Variants in LHX6 observed in about 807,000 individuals in gnomAD.
LHX6 encodes the protein LIM/homeobox protein Lhx6.
In LHX6, 15 loss-of-function variants were observed where a neutral mutation model predicts 47.1. The ratio of observed to expected loss-of-function variants is 0.32; its 90% confidence interval spans 0.21 to 0.49. The LOEUF (loss-of-function observed/expected upper bound fraction) is 0.49, where lower values mean the gene tolerates loss of function less well. Ranked by LOEUF, LHX6 falls within the 20% of genes least tolerant of loss-of-function variation. The pLI, the probability that LHX6 is intolerant of heterozygous loss-of-function variation, is 0.99. For missense variants in LHX6, 404 were observed against 539.6 expected, an observed-to-expected ratio of 0.75 and a Z score of 2.49; for synonymous variants, 242 against 233.5, an observed-to-expected ratio of 1.04 and a Z score of -0.33.
At chr9:122,227,519 G>A in intron 1 of LHX6, 39 bp from the exon 2 acceptor site, 1 of 1,523,148 alleles carries the variant, frequency 6.6e-7, no homozygotes, top group South Asian at 1.2e-5. Context: ...GGCGGCGGCT[G>A]CTGAACTGGC....
rs201673615 is a variant in LHX6 at position 122,226,330 on chromosome 9, G to C, written c.461+46C>G. On this transcript the variant is annotated intron_variant, in intron 4 of 9. Transcript: ENST00000394319. The surrounding 1 kb of genome is among the most constrained non-coding windows in gnomAD (Gnocchi z 6.5). ...GCAAAAGTGGCCTCCGAATGCGCCC[G>C]GGGCCTGCCCTCGGCGACACTGCTG... The C allele has an allele frequency of 7.0e-6, 11 of 1,579,520 alleles. No individual in the cohort carries two copies. The Admixed American group carries it at 2.0e-4, about 29-fold the overall frequency.
At chr9:122,218,283 T>C (rs1377833755) in intron 4 of LHX6, among the ~76,000 whole-genome samples, 10 of 152,136 alleles carry the variant, frequency 6.6e-5, no homozygotes, top group Admixed American at 6.5e-4. Context: ...CCTGTGACTC[T>C]GTCCCAACCC....
rs3750486 is a variant in LHX6 at position 122,203,982 on chromosome 9, G to T, written c.*778C>A. The T allele has an allele frequency of 6.6e-6, 1 of 152,200 alleles. No homozygotes were observed. The highest frequency in any genetic ancestry group is 2.4e-5 in the African/African-American group (1 of 41,450). The allele number at this position is 152,200 out of a possible 1,614,324, so 9.4% of individuals were successfully genotyped here. A position where few individuals can be genotyped will look rare whatever the true frequency, so the allele number is the denominator to read the frequency against. On this transcript the variant is annotated 3_prime_UTR_variant, in exon 10 of 10. Transcript: ENST00000394319. The stretch of plus-strand genomic sequence containing the variant: ...ATATATGCTGGATAATTAGGTGGGG[G>T]TAGGGTCTCTCCCTGACCCCAGAGT...
intron 4 of LHX6, among the ~76,000 whole-genome samples, chr9:122,223,221 T>C (rs756800216): frequency 6.6e-6 from 1 of 152,094 alleles, no homozygotes; most frequent in Non-Finnish European, 1.5e-5. Context: ...GGAGAAATGA[T>C]CAGAAGAGCC....
rs1299075618 is a variant in LHX6, at chr9:122,204,201, C to A, written c.*559G>T. ...GGGTTGGTCACTGTCTCTTCTCTTT[C>A]TGAATTAACTTGACATAACCAGACA... On this transcript the variant is annotated 3_prime_UTR_variant, in exon 10 of 10. Coordinates refer to ENST00000394319, the MANE Select transcript of LHX6 (RefSeq NM_014368.5). The A allele has an allele frequency of 6.5e-6, 1 of 153,068 alleles. No individual in the cohort carries two copies. The highest frequency in any genetic ancestry group is 1.5e-5 in the Non-Finnish European group (1 of 68,278). The allele number at this position is 153,068 out of a possible 1,614,324, so 9.5% of individuals were successfully genotyped here.
At chr9:122,223,219 G>T (rs909500409) in intron 4 of LHX6, among the ~76,000 whole-genome samples, 1 of 152,176 alleles carries the variant, frequency 6.6e-6, no homozygotes, top group African/African-American at 2.4e-5. Context: ...GGGGAGAAAT[G>T]ATCAGAAGAG....
chr9:122,227,742 C>T (rs1831171918), intron 1 of LHX6: 4 of 588,332 alleles, frequency 6.8e-6, no homozygotes, highest in East Asian at 7.5e-5. Flanking sequence ...GCTTAGTTCC[C>T]TTGCAATCCA....
Position 122,214,503 on chromosome 9 carries a change from A to G in LHX6, c.683-120T>C, listed in dbSNP as rs1830524857. On this transcript the variant is annotated intron_variant, in intron 5 of 9. Coordinates refer to ENST00000394319, the MANE Select transcript of LHX6 (RefSeq NM_014368.5). This position sits in a 1 kb window ranked among gnomAD's most constrained non-coding sequence, Gnocchi z 4.6. The stretch of plus-strand genomic sequence containing the variant: ...TCAGGAGCGGGAGTTGGCTGGGAGC[A>G]GGGATCCCAGGGTCCTAGTCCCTGA... The G allele has an allele frequency of 3.0e-6, 4 of 1,325,120 alleles. No individual in the cohort carries two copies. In the African/African-American group the frequency reaches 6.2e-5, roughly 21 times the overall value. 82.1% of individuals were successfully genotyped at this position (1,325,120 alleles called of 1,614,324 possible). A position where few individuals can be genotyped will look rare whatever the true frequency, so the allele number is the denominator to read the frequency against.
chr9:122,227,684 T>C, intron 1 of LHX6: 1 of 1,126,752 alleles, frequency 8.9e-7, no homozygotes, highest in Non-Finnish European at 1.2e-6. Flanking sequence ...ATTTTTTCCC[T>C]CTCTCTCCCC....
Position 122,213,708 on chromosome 9 carries a change from G to A in LHX6, c.952C>T (p.Pro318Ser), listed in dbSNP as rs1334502985. 6.2e-7 allele frequency: 1 copy of A among 1,612,470 alleles called. No homozygotes were observed. The highest frequency in any genetic ancestry group is 8.5e-7 in the Non-Finnish European group (1 of 1,179,648). The change falls in exon 8 of 10, where the codon CCC (proline) becomes TCC (serine). Residue 318 changes from proline (P) to serine (S), a missense_variant. By Grantham distance (74) the Pro-to-Ser change is moderately conservative. Around this residue, in one of 7 missense-constraint regions of LHX6, gnomAD observed 127 missense variants for 116.1 expected, o/e 1.09. Coordinates refer to ENST00000394319, the MANE Select transcript of LHX6 (RefSeq NM_014368.5). This position sits in a 1 kb window ranked among gnomAD's most constrained non-coding sequence, Gnocchi z 5.5. ...AGGGCGGAGGGAAGGCGGGACGGGG[G>A]CGCCCCCGAGGGCGGCACTGGGTGT... ...PQHPVPPSGA[P>S]PSRLPSALSD...
rs376112420 is a variant in LHX6, at chr9:122,219,692, G to T, written c.462-2404C>A. On this transcript the variant is annotated intron_variant, in intron 4 of 9. Coordinates refer to ENST00000394319, the MANE Select transcript of LHX6 (RefSeq NM_014368.5). ...CGGTGAGGTGGGGACTCTGGCATCC[G>T]GTTTTCATAGGAGGAATCGAAGGTT... 4.6e-5 allele frequency among the ~76,000 whole-genome samples: 7 copies of T among 152,296 alleles called. No individual in the cohort carries two copies. The East Asian group carries it at 1.4e-3, about 29-fold the overall frequency.
intron 1 of LHX6, 163 bp downstream of exon 1, chr9:122,228,494 C>CG (rs113188211): frequency 0.69 from 966,074 of 1,397,042 alleles, 339,184 homozygotes; most frequent in South Asian, 0.8. Flanking sequence ...CGACCCCCCC[C>CG]CCCCGCTCGC....
Position 122,226,524 on chromosome 9 carries a change from G to C in LHX6, c.340-27C>G. 3 of 1,608,102 alleles carry C rather than the reference G, an allele frequency of 1.9e-6. No homozygotes were observed. Among genetic ancestry groups the C allele is most frequent in the Non-Finnish European group, 2.5e-6 (3 of 1,178,632 alleles). ...TGGGGACGGGGCGGGGACGGAGGTC[G>C]GCTCAGCGCGGGCCTCTTTCACTCC... is the stretch of plus-strand genomic sequence containing the variant. On this transcript the variant is annotated intron_variant, in intron 3 of 9. Coordinates refer to ENST00000394319, the MANE Select transcript of LHX6 (RefSeq NM_014368.5). This position sits in a 1 kb window ranked among gnomAD's most constrained non-coding sequence, Gnocchi z 6.5.
Position 122,214,387 on chromosome 9 carries a change from G to T in LHX6, c.683-4C>A. 6.4e-7 allele frequency: 1 copy of T among 1,561,472 alleles called. No individual in the cohort carries two copies. Among genetic ancestry groups the T allele is most frequent in the Non-Finnish European group, 8.6e-7 (1 of 1,158,860 alleles). ...CCCTCCAACGTGAGGCCGTTCCCTG[G>T]GGGCGATAGAAGCAGCTGACCACGC... On this transcript the variant is annotated splice_polypyrimidine_tract_variant and splice_region_variant and intron_variant, in intron 5 of 9. Coordinates refer to ENST00000394319, the MANE Select transcript of LHX6 (RefSeq NM_014368.5). The surrounding 1 kb of genome is among the most constrained non-coding windows in gnomAD (Gnocchi z 4.6).
chr9:122,211,652 T>C (rs949533448), intron 8 of LHX6, among the ~76,000 whole-genome samples: 1 of 152,216 alleles, frequency 6.6e-6, no homozygotes, highest in African/African-American at 2.4e-5. Context: ...CCCCAACCTC[T>C]TCTTCCCCAA....
intron 4 of LHX6, among the ~76,000 whole-genome samples, chr9:122,219,060 G>C (rs1830713954): frequency 6.6e-6 from 1 of 152,218 alleles, no homozygotes; most frequent in African/African-American, 2.4e-5. Flanking sequence ...CCTCCACCCG[G>C]GGGAGCATTC....
chr9:122,215,160 T>C (rs1830548400), intron 5 of LHX6, among the ~76,000 whole-genome samples: 1 of 152,178 alleles, frequency 6.6e-6, no homozygotes, highest in South Asian at 2.1e-4. Flanking sequence ...TCACCAGTAA[T>C]TCCAGCACTC....
At position 122,203,982 on chromosome 9, in the gene LHX6, G is replaced by A. The variant is rs3750486; in HGVS notation, c.*778C>T. ...ATATATGCTGGATAATTAGGTGGGG[G>A]TAGGGTCTCTCCCTGACCCCAGAGT... On this transcript the variant is annotated 3_prime_UTR_variant, in exon 10 of 10. Transcript: ENST00000394319. 11,217 of 152,304 alleles carry A rather than the reference G, an allele frequency of 0.074. 603 individuals carry two copies. Among genetic ancestry groups the A allele is most frequent in the South Asian group, 0.23 (1,102 of 4,814 alleles). 9.4% of individuals were successfully genotyped at this position (152,304 alleles called of 1,614,324 possible).
chr9:122,216,961 G>C (rs1054479971), intron 5 of LHX6, 107 bp downstream of exon 5: 9 of 927,622 alleles, frequency 9.7e-6, no homozygotes, highest in African/African-American at 1.6e-5. Flanking sequence ...GGACTATACC[G>C]GGAGGGCCCA....
Sources: gnomAD v4.1 joint callset for allele counts (sites outside exome capture counted in the v4.1 genomes callset) on GRCh38, gnomAD v4.1.1 for gene constraint, gnomAD v4.1.1 regional missense constraint, Gnocchi (gnomAD v3.1) non-coding constraint, MANE v1.5 for transcripts, NCBI Gene and HGNC (gene_info 2026-07-23, HGNC 2026-07-21) for gene names.